The following PRELID2 variants were observed in gnomAD, a reference collection of about 807,000 sequenced individuals.
PRELID2 encodes the protein PRELI domain-containing protein 2.
PRELID2 carries 25 observed loss-of-function variants against 28.4 expected under a neutral mutation model. The observed-to-expected ratio is 0.88, with a 90% CI of 0.64 to 1.23. The LOEUF (loss-of-function observed/expected upper bound fraction) is 1.23, where lower values mean the gene tolerates loss of function less well. Among genes scored for constraint, PRELID2 ranks in the 50% most tolerant of loss-of-function variants. The pLI, the probability that PRELID2 is intolerant of heterozygous loss-of-function variation, is 0.00. For missense variants in PRELID2, 201 were observed against 214.4 expected (o/e 0.94, Z 0.39); for synonymous variants, 76 against 71.6 (o/e 1.06, Z -0.31).
the PRELID2 span, among the ~76,000 whole-genome samples, chr5:145,378,259 G>T: frequency 6.6e-6 from 1 of 152,226 alleles, no homozygotes; most frequent in South Asian, 2.1e-4. Context: ...TGCTGATTGT[G>T]TGTCTTGCGG....
intron 2 of PRELID2, among the ~76,000 whole-genome samples, chr5:145,821,149 C>A (rs1754758050): frequency 3.3e-5 from 1 of 29,862 alleles, no homozygotes; most frequent in Non-Finnish European, 1.0e-4. Flanking sequence ...TCCAACTCTC[C>A]TGGGTGTGTG....
At chr5:145,762,218 C>T (rs919416591) in intron 6 of PRELID2, among the ~76,000 whole-genome samples, 3 of 152,090 alleles carry the variant, frequency 2.0e-5, no homozygotes, top group East Asian at 1.9e-4. Context: ...ATTCAGACCT[C>T]GACCATTTCA....
the PRELID2 span, among the ~76,000 whole-genome samples, chr5:145,392,952 T>C: frequency 6.6e-6 from 1 of 152,202 alleles, no homozygotes; most frequent in Non-Finnish European, 1.5e-5. Flanking sequence ...TCAAAGCTCA[T>C]TTGTCCAGCT....
chr5:145,498,458 G>A (rs962034944), intron 1 of PRELID2, among the ~76,000 whole-genome samples: 1 of 152,118 alleles, frequency 6.6e-6, no homozygotes, highest in Admixed American at 6.6e-5. Context: ...CCAGGAGTTT[G>A]AATCCAGTTT....
the PRELID2 span, among the ~76,000 whole-genome samples, chr5:145,335,038 A>G: frequency 6.6e-6 from 1 of 151,888 alleles, no homozygotes; most frequent in African/African-American, 2.4e-5. Flanking sequence ...TTTGTCTATT[A>G]TTTTTTAAGT....
chr5:145,539,330 A>G (rs1241303766), intron 1 of PRELID2, among the ~76,000 whole-genome samples: 1 of 152,074 alleles, frequency 6.6e-6, no homozygotes, highest in African/African-American at 2.4e-5. Context: ...GCAACACGCC[A>G]TTTACGTCAG....
chr5:145,748,886 A>G (rs1048675947), intron 1 of PRELID2, among the ~76,000 whole-genome samples: 1 of 152,218 alleles, frequency 6.6e-6, no homozygotes, highest in African/African-American at 2.4e-5. Flanking sequence ...AGGATCTCCT[A>G]TTTAATAAAT....
chr5:145,752,790 T>C (rs1373561437), downstream of PRELID2, among the ~76,000 whole-genome samples: 1 of 152,232 alleles, frequency 6.6e-6, no homozygotes, highest in Non-Finnish European at 1.5e-5. Flanking sequence ...AAGCCTCCTG[T>C]CCTGGGGCCC....
intron 5 of PRELID2, among the ~76,000 whole-genome samples, chr5:145,786,964 G>A (rs1406782907): frequency 2.0e-5 from 3 of 152,156 alleles, no homozygotes; most frequent in Non-Finnish European, 2.9e-5. Flanking sequence ...TGACTTGCCC[G>A]CATTGTTTCA....
At chr5:145,650,438 C>G (rs1046602350) in intron 1 of PRELID2, among the ~76,000 whole-genome samples, 1 of 149,122 alleles carries the variant, frequency 6.7e-6, no homozygotes, top group Admixed American at 6.8e-5. Context: ...TTGTTCTCAT[C>G]CAGAGTTTTG....
At chr5:145,271,867 T>A in the PRELID2 span, among the ~76,000 whole-genome samples, 1 of 152,172 alleles carries the variant, frequency 6.6e-6, no homozygotes, top group Non-Finnish European at 1.5e-5. Context: ...ATTTCACCAA[T>A]TCTGTGAGTT....
At chr5:145,565,663 T>G (rs1752959575) in intron 1 of PRELID2, among the ~76,000 whole-genome samples, 2 of 152,200 alleles carry the variant, frequency 1.3e-5, no homozygotes, top group Admixed American at 1.3e-4. Flanking sequence ...AAATAGAAAT[T>G]TACTGGGTCA....
chr5:145,383,680 G>A, the PRELID2 span, among the ~76,000 whole-genome samples: 34 of 148,592 alleles, frequency 2.3e-4, 1 homozygote, highest in South Asian at 7.0e-3. Flanking sequence ...AATTTTAGGT[G>A]GATTGTAGAC....
At chr5:145,427,303 T>G in the PRELID2 span, among the ~76,000 whole-genome samples, 1 of 152,360 alleles carries the variant, frequency 6.6e-6, no homozygotes, top group South Asian at 2.1e-4. Context: ...CTATGAATTT[T>G]AACCCTCTAA....
chr5:145,832,413 G>A (rs1388067516), intron 1 of PRELID2, among the ~76,000 whole-genome samples: 1 of 152,110 alleles, frequency 6.6e-6, no homozygotes. Flanking sequence ...TTGAACTCCT[G>A]ACCTCAAGTG....
At chr5:145,408,609 A>C in the PRELID2 span, among the ~76,000 whole-genome samples, 1 of 151,656 alleles carries the variant, frequency 6.6e-6, no homozygotes, top group East Asian at 1.9e-4. Context: ...ATCAAGTGGA[A>C]GAAAGAGATT....
chr5:145,715,034 C>T (rs1755804848), intron 1 of PRELID2, among the ~76,000 whole-genome samples: 1 of 152,120 alleles, frequency 6.6e-6, no homozygotes, highest in African/African-American at 2.4e-5. Context: ...CTTCCCAATG[C>T]CATGGATTTA....
intron 1 of PRELID2, among the ~76,000 whole-genome samples, chr5:145,556,894 C>T (rs1752884140): frequency 6.6e-6 from 1 of 152,170 alleles, no homozygotes; most frequent in Non-Finnish European, 1.5e-5. Context: ...TCCTCTGGAC[C>T]TCATCTCCAG....
chr5:145,604,145 T>C (rs1042244710), intron 1 of PRELID2, among the ~76,000 whole-genome samples: 4 of 152,116 alleles, frequency 2.6e-5, no homozygotes, highest in African/African-American at 9.7e-5. Flanking sequence ...GTTTGTAATA[T>C]AGATAAATTG....
Sources: allele counts gnomAD v4.1 joint callset (sites outside exome capture counted in the v4.1 genomes callset), GRCh38; gene constraint gnomAD v4.1.1; transcripts MANE v1.5; gene names NCBI Gene and HGNC (gene_info 2026-07-23, HGNC 2026-07-21).